The following LIMCH1 variants were observed in gnomAD, a reference collection of about 807,000 sequenced individuals.
LIMCH1 encodes LIM and calponin homology domains-containing protein 1.
Under a neutral mutation model 176.5 loss-of-function variants are expected in LIMCH1, and 113 were observed. That is an observed-to-expected ratio of 0.64 (90% CI 0.55 to 0.75). The LOEUF is 0.75. Ranked by LOEUF, LIMCH1 falls within the 30% of genes least tolerant of loss-of-function variation. The pLI is 0.00. For missense variants in LIMCH1, 1,674 were observed against 1,814.9 expected (o/e 0.92, Z 1.41); for synonymous variants, 619 against 645.9 (o/e 0.96, Z 0.63).
intron 1 of LIMCH1, among the ~76,000 whole-genome samples, chr4:41,587,831 A>C (rs2086745097): frequency 6.6e-6 from 1 of 152,232 alleles, no homozygotes; most frequent in Non-Finnish European, 1.5e-5. Context: ...CTGACTCGTC[A>C]TCATTCTAAC....
intron 1 of LIMCH1, among the ~76,000 whole-genome samples, chr4:41,480,387 T>A (rs980054922): frequency 1.3e-5 from 2 of 152,048 alleles, no homozygotes; most frequent in East Asian, 3.9e-4. Context: ...GGTGGATGGA[T>A]CAGGAGGTCG....
chr4:41,576,131 A>G (rs952697395), intron 1 of LIMCH1, among the ~76,000 whole-genome samples: 1 of 152,152 alleles, frequency 6.6e-6, no homozygotes, highest in African/African-American at 2.4e-5. Flanking sequence ...TAACCTGTTG[A>G]TTTGTGCATA....
rs553842422 is a variant in LIMCH1, at chr4:41,605,219, A to G, written c.-102-675A>G. Among the ~76,000 whole-genome samples, 24 of 152,316 alleles carry G rather than the reference A, an allele frequency of 1.6e-4. 1 individual carries two copies. The East Asian group carries it at 4.6e-3, about 29-fold the overall frequency. On this transcript the variant is annotated intron_variant, in intron 3 of 31. Transcript: ENST00000503057. ...TGAATACTCATAGACATTCTTAAATATCCAAGGTTGTTTAATTGGTAGCAA... is the reference window on the plus strand; with the variant it reads ...TGAATACTCATAGACATTCTTAAATGTCCAAGGTTGTTTAATTGGTAGCAA...
intron 1 of LIMCH1, among the ~76,000 whole-genome samples, chr4:41,584,804 A>G (rs1032273387): frequency 6.6e-6 from 1 of 152,178 alleles, no homozygotes; most frequent in African/African-American, 2.4e-5. Flanking sequence ...CATTTGTCTT[A>G]GTTTGTTCAG....
At chr4:41,688,045 A>G in intron 29 of LIMCH1, 128 bp downstream of exon 29, 1 of 678,292 alleles carries the variant, frequency 1.5e-6, no homozygotes, top group Admixed American at 2.4e-5. Flanking sequence ...CTCTTCCTAC[A>G]CACACACAGA....
At chr4:41,501,511 G>A (rs574854638) in intron 2 of LIMCH1, among the ~76,000 whole-genome samples, 3 of 152,260 alleles carry the variant, frequency 2.0e-5, no homozygotes, top group East Asian at 1.9e-4. Context: ...TCATCTAGTC[G>A]CCACATCAAA....
At chr4:41,432,926 A>G (rs776727521) in intron 1 of LIMCH1, among the ~76,000 whole-genome samples, 2 of 152,228 alleles carry the variant, frequency 1.3e-5, no homozygotes, top group African/African-American at 2.4e-5. Context: ...ACTGAACAAG[A>G]CAGCATCTCT....
At chr4:41,537,588 C>CT (rs929852364), upstream of LIMCH1, among the ~76,000 whole-genome samples, 2 of 151,940 alleles carry the variant, frequency 1.3e-5, no homozygotes, top group Admixed American at 6.6e-5. Context: ...TATGATGATC[C>CT]TTTTTTTTCA....
At chr4:41,617,605 C>CA (rs773459533) in intron 5 of LIMCH1, among the ~76,000 whole-genome samples, 1 of 152,104 alleles carries the variant, frequency 6.6e-6, no homozygotes, top group Non-Finnish European at 1.5e-5. Flanking sequence ...ATGAAATGGT[C>CA]AAAACTTCAG....
At chr4:41,672,438 AT>A (rs1190303997) in intron 22 of LIMCH1, among the ~76,000 whole-genome samples, 2 of 152,130 alleles carry the variant, frequency 1.3e-5, no homozygotes, top group African/African-American at 2.4e-5. Flanking sequence ...CTATAGATAC[AT>A]TTTTTTAAAT....
At chr4:41,376,028 G>T (rs2054714803) in intron 1 of LIMCH1, among the ~76,000 whole-genome samples, 1 of 152,140 alleles carries the variant, frequency 6.6e-6, no homozygotes, top group African/African-American at 2.4e-5. Flanking sequence ...TTTGAGATTA[G>T]AACATTTGCC....
chr4:41,670,365 A>G (rs982771595), intron 21 of LIMCH1, among the ~76,000 whole-genome samples: 1 of 152,206 alleles, frequency 6.6e-6, no homozygotes, highest in Non-Finnish European at 1.5e-5. Flanking sequence ...ATACTTTTCT[A>G]GTGTTCTCCA....
rs145228376 is a variant in LIMCH1 at position 41,650,833 on chromosome 4, C to G, written c.3036+225C>G. On this transcript the variant is annotated intron_variant, in intron 18 of 31. Coordinates refer to ENST00000503057, the MANE Select transcript of LIMCH1 (RefSeq NM_001330672.2). ...AACCAAGGTGTTGGCAGGGTTGGCT[C>G]CCTCCATTGGTCATGAGAGAGCATC... Among the ~76,000 whole-genome samples the G allele has an allele frequency of 2.6e-3, 395 of 152,114 alleles. 5 individuals carry two copies. The highest frequency in any genetic ancestry group is 8.8e-3 in the African/African-American group (366 of 41,486).
chr4:41,640,211 C>T (rs1367308744), intron 14 of LIMCH1, among the ~76,000 whole-genome samples: 3 of 152,208 alleles, frequency 2.0e-5, no homozygotes, highest in Non-Finnish European at 4.4e-5. Context: ...CTGGTTATTA[C>T]TTTTCAAACC....
chr4:41,624,070 A>G (rs552780456), intron 7 of LIMCH1, among the ~76,000 whole-genome samples: 1 of 152,330 alleles, frequency 6.6e-6, no homozygotes, highest in African/African-American at 2.4e-5. Context: ...GGATAAAATA[A>G]GAACCAAGAT....
chr4:41,464,252 T>C (rs1218041862), intron 1 of LIMCH1, among the ~76,000 whole-genome samples: 1 of 151,782 alleles, frequency 6.6e-6, no homozygotes, highest in Non-Finnish European at 1.5e-5. Flanking sequence ...CTTCCTCCAC[T>C]GGGCTGTGTG....
At chr4:41,499,329 T>A (rs1404391140) in intron 2 of LIMCH1, among the ~76,000 whole-genome samples, 1 of 152,212 alleles carries the variant, frequency 6.6e-6, no homozygotes, top group East Asian at 1.9e-4. Context: ...TCTTTTTCCC[T>A]GAACCATTTG....
chr4:41,506,474 G>T (rs1000790557), intron 2 of LIMCH1, among the ~76,000 whole-genome samples: 1 of 152,120 alleles, frequency 6.6e-6, no homozygotes, highest in Non-Finnish European at 1.5e-5. Context: ...GCACCAAGAG[G>T]CATAAAAACA....
chr4:41,654,113 C>T (rs555334412), intron 18 of LIMCH1, among the ~76,000 whole-genome samples: 2 of 152,082 alleles, frequency 1.3e-5, no homozygotes, highest in South Asian at 2.1e-4. Context: ...TATAGAACAA[C>T]GTAGAATTAA....
Sources: gnomAD v4.1 joint callset for allele counts (sites outside exome capture counted in the v4.1 genomes callset) on GRCh38, gnomAD v4.1.1 for gene constraint, MANE v1.5 for transcripts, NCBI Gene and HGNC (gene_info 2026-07-23, HGNC 2026-07-21) for gene names.